CAMKMT: variants seen among roughly 807,000 people sequenced by gnomAD.
CAMKMT encodes calmodulin-lysine N-methyltransferase.
Under a neutral mutation model 48.0 loss-of-function variants are expected in CAMKMT, and 53 were observed. That is an observed-to-expected ratio of 1.10 (90% CI 0.89 to 1.39). The LOEUF (loss-of-function observed/expected upper bound fraction) is 1.39, where lower values mean the gene tolerates loss of function less well. Among genes scored for constraint, CAMKMT ranks in the 40% most tolerant of loss-of-function variants. The pLI, the probability that CAMKMT is intolerant of heterozygous loss-of-function variation, is 0.00. For synonymous variants in CAMKMT, 165 were observed against 152.3 expected, an observed-to-expected ratio of 1.08 and a Z score of -0.61; for missense variants, 428 against 402.7, an observed-to-expected ratio of 1.06 and a Z score of -0.54.
At chr2:44,739,547 A>C (rs1679553672) in intron 7 of CAMKMT, among the ~76,000 whole-genome samples, 1 of 152,234 alleles carries the variant, frequency 6.6e-6, no homozygotes, top group Non-Finnish European at 1.5e-5. Flanking sequence ...ACCCAAGTGG[A>C]AATATTAAAA....
At chr2:44,404,128 T>C (rs1377195916) in intron 3 of CAMKMT, among the ~76,000 whole-genome samples, 1 of 152,194 alleles carries the variant, frequency 6.6e-6, no homozygotes, top group African/African-American at 2.4e-5. Flanking sequence ...GTTTGTACAG[T>C]GCCTGGCATA....
At chr2:44,433,448 A>C (rs1161446204) in intron 3 of CAMKMT, among the ~76,000 whole-genome samples, 2 of 152,094 alleles carry the variant, frequency 1.3e-5, no homozygotes, top group Non-Finnish European at 2.9e-5. Context: ...TTGTGATCTT[A>C]GGGTTTTCAT....
chr2:44,586,045 A>G (rs1275720059), intron 3 of CAMKMT, among the ~76,000 whole-genome samples: 1 of 152,222 alleles, frequency 6.6e-6, no homozygotes, highest in Non-Finnish European at 1.5e-5. Flanking sequence ...ATGTTTCTTT[A>G]AAGTTCAGAC....
chr2:44,699,274 T>C (rs967651970), intron 3 of CAMKMT, among the ~76,000 whole-genome samples: 3 of 152,200 alleles, frequency 2.0e-5, no homozygotes, highest in Non-Finnish European at 4.4e-5. Context: ...TATATCCTTA[T>C]GAAATGTATT....
At chr2:44,375,434 T>TA (rs1679589710) in intron 2 of CAMKMT, among the ~76,000 whole-genome samples, 1 of 151,682 alleles carries the variant, frequency 6.6e-6, no homozygotes, top group Non-Finnish European at 1.5e-5. Flanking sequence ...CTGAAATAGA[T>TA]AAAAGTTAAA....
chr2:44,567,744 G>C (rs1668691920), intron 3 of CAMKMT, among the ~76,000 whole-genome samples: 1 of 152,156 alleles, frequency 6.6e-6, no homozygotes, highest in Non-Finnish European at 1.5e-5. Flanking sequence ...CGTCCTGCTA[G>C]CACAACTTTT....
At chr2:44,374,568 C>T (rs1047082588) in intron 2 of CAMKMT, among the ~76,000 whole-genome samples, 2 of 152,094 alleles carry the variant, frequency 1.3e-5, no homozygotes, top group African/African-American at 2.4e-5. Flanking sequence ...TAAGGGTTAG[C>T]CAGTGAGAAT....
intron 3 of CAMKMT, among the ~76,000 whole-genome samples, chr2:44,537,960 C>G (rs1558686593): frequency 6.6e-6 from 1 of 152,134 alleles, no homozygotes; most frequent in Non-Finnish European, 1.5e-5. Flanking sequence ...TGGGTATCTA[C>G]CCAACGGAAA....
intron 3 of CAMKMT, among the ~76,000 whole-genome samples, chr2:44,566,995 T>A (rs1668650135): frequency 6.6e-6 from 1 of 152,152 alleles, no homozygotes; most frequent in African/African-American, 2.4e-5. Context: ...TGTCATTGTA[T>A]AGCCAAATTC....
chr2:44,672,245 G>A (rs1052413777), intron 3 of CAMKMT, among the ~76,000 whole-genome samples: 1 of 152,192 alleles, frequency 6.6e-6, no homozygotes, highest in African/African-American at 2.4e-5. Flanking sequence ...AGGAGGTCTG[G>A]TGAATGGCAG....
At chr2:44,667,248 A>G (rs1675042431) in intron 3 of CAMKMT, among the ~76,000 whole-genome samples, 1 of 152,150 alleles carries the variant, frequency 6.6e-6, no homozygotes, top group African/African-American at 2.4e-5. Context: ...TTGATTTCCT[A>G]TCTTCCCATA....
At chr2:44,471,099 A>G (rs376991073) in intron 3 of CAMKMT, among the ~76,000 whole-genome samples, 18 of 148,658 alleles carry the variant, frequency 1.2e-4, no homozygotes, top group African/African-American at 4.0e-4. Flanking sequence ...ATTTCAAGCA[A>G]TTCTCCTGCC....
chr2:44,564,116 G>C (rs996285634), intron 3 of CAMKMT, among the ~76,000 whole-genome samples: 8 of 151,532 alleles, frequency 5.3e-5, no homozygotes, highest in African/African-American at 1.9e-4. Context: ...TTCCTATTTA[G>C]AGTCATTAGT....
intron 3 of CAMKMT, among the ~76,000 whole-genome samples, chr2:44,563,680 G>C (rs998693902): frequency 1.2e-4 from 18 of 151,844 alleles, no homozygotes; most frequent in Non-Finnish European, 2.1e-4. Context: ...GTGTCCAAGT[G>C]TTCTCATTGT....
intron 3 of CAMKMT, among the ~76,000 whole-genome samples, chr2:44,456,279 T>C (rs1432903347): frequency 1.3e-5 from 2 of 152,204 alleles, no homozygotes; most frequent in Non-Finnish European, 2.9e-5. Flanking sequence ...AGTTACAGGT[T>C]ATAAATAGAA....
intron 3 of CAMKMT, among the ~76,000 whole-genome samples, chr2:44,502,760 C>T (rs1411478298): frequency 6.6e-6 from 1 of 152,050 alleles, no homozygotes; most frequent in Non-Finnish European, 1.5e-5. Context: ...TCAACTGTCC[C>T]TTAAGGAAAG....
chr2:44,635,394 T>G (rs1435865320), intron 3 of CAMKMT, among the ~76,000 whole-genome samples: 2 of 152,200 alleles, frequency 1.3e-5, no homozygotes, highest in African/African-American at 4.8e-5. Context: ...CCAACATATG[T>G]ATACATTTAT....
intron 3 of CAMKMT, among the ~76,000 whole-genome samples, chr2:44,568,675 A>G (rs1235841853): frequency 6.6e-6 from 1 of 152,202 alleles, no homozygotes; most frequent in East Asian, 1.9e-4. Flanking sequence ...CTGTGGGTCC[A>G]TGAGGGCACC....
intron 9 of CAMKMT, among the ~76,000 whole-genome samples, chr2:44,761,889 G>A (rs1234817886): frequency 1.3e-5 from 2 of 152,186 alleles, no homozygotes; most frequent in Non-Finnish European, 2.9e-5. Flanking sequence ...TGGATTAAAG[G>A]TATTTTCAGA....
Sources: allele counts gnomAD v4.1 joint callset (sites outside exome capture counted in the v4.1 genomes callset), GRCh38; gene constraint gnomAD v4.1.1; transcripts MANE v1.5; gene names NCBI Gene and HGNC (gene_info 2026-07-23, HGNC 2026-07-21).